Variants in CDH13 observed in about 807,000 individuals in gnomAD.
CDH13 encodes the protein cadherin 13, also known as cadherin-13.
CDH13 carries 24 observed loss-of-function variants against 63.8 expected under a neutral mutation model. The ratio of observed to expected loss-of-function variants is 0.38; its 90% CI spans 0.27 to 0.53. The LOEUF is 0.53. CDH13 is among the 20% of genes least tolerant of loss of function. The probability of loss-of-function intolerance (pLI) is 0.85; values close to 1 mark genes in which losing one functional copy is unlikely to be tolerated. For missense variants in CDH13, 1,049 were observed against 903.1 expected (o/e 1.16, Z -2.07); for synonymous variants, 503 against 355.3 (o/e 1.42, Z -4.67).
intron 3 of CDH13, among the ~76,000 whole-genome samples, chr16:83,053,885 G>A (rs753427907): frequency 1.3e-5 from 2 of 152,184 alleles, no homozygotes; most frequent in African/African-American, 4.8e-5. Context: ...TAGTAGCAAA[G>A]TCTGTGTATG....
At chr16:83,678,592 G>A (rs1915154554) in intron 10 of CDH13, 131 bp downstream of exon 10, 1 of 1,189,692 alleles carries the variant, frequency 8.4e-7, no homozygotes, top group Non-Finnish European at 1.2e-6. Context: ...CAAGTGGGAG[G>A]AAAGCGTCAT....
intron 6 of CDH13, among the ~76,000 whole-genome samples, chr16:83,347,762 G>A (rs1396656052): frequency 6.6e-6 from 1 of 152,222 alleles, no homozygotes; most frequent in East Asian, 1.9e-4. Context: ...TTACTTAGCT[G>A]GTAAGAGGCT....
rs189020531 is a variant in CDH13 at position 82,862,703 on chromosome 16, C to G, written c.157+4230C>G. ...CTTGCATCACATGTTTAGGAAAGAA[C>G]CTGCATTAACAAGAGCAGGCTAGGC... On this transcript the variant is annotated intron_variant, in intron 2 of 13. Transcript: ENST00000567109. 2.5e-3 allele frequency among the ~76,000 whole-genome samples: 387 copies of G among 152,318 alleles called. 1 individual carries two copies. The highest frequency in any genetic ancestry group is 8.6e-3 in the African/African-American group (358 of 41,576).
At chr16:83,521,348 A>C (rs1434901285) in intron 7 of CDH13, among the ~76,000 whole-genome samples, 1 of 152,136 alleles carries the variant, frequency 6.6e-6, no homozygotes, top group African/African-American at 2.4e-5. Context: ...AATTTAGGAA[A>C]AAAAAAAAGA....
At chr16:82,744,315 T>C (rs2034063796) in intron 1 of CDH13, among the ~76,000 whole-genome samples, 1 of 152,222 alleles carries the variant, frequency 6.6e-6, no homozygotes, top group Non-Finnish European at 1.5e-5. Context: ...CCTCTATTTT[T>C]CTCGCTTTTG....
intron 5 of CDH13, among the ~76,000 whole-genome samples, chr16:83,235,839 A>G (rs118067301): frequency 9.9e-5 from 15 of 152,252 alleles, no homozygotes; most frequent in Non-Finnish European, 1.8e-4. Flanking sequence ...TCTCAAAGAC[A>G]CTTTTTTCTT....
intron 4 of CDH13, among the ~76,000 whole-genome samples, chr16:83,191,762 C>A (rs2038722210): frequency 6.6e-6 from 1 of 151,710 alleles, no homozygotes; most frequent in Admixed American, 6.6e-5. Context: ...CCAGTCTAGG[C>A]TTTTCACGTT....
intron 7 of CDH13, among the ~76,000 whole-genome samples, chr16:83,492,774 A>C (rs543947095): frequency 3.2e-4 from 48 of 152,280 alleles, no homozygotes; most frequent in East Asian, 1.4e-3. Context: ...GGGGAAGGCC[A>C]GGGTCTTTAT....
chr16:82,784,937 G>C lies in CDH13; in HGVS notation c.46-73425G>C, dbSNP rs138807161. Among the ~76,000 whole-genome samples, 181 of 152,314 alleles carry C rather than the reference G, an allele frequency of 1.2e-3. 2 individuals are homozygous for C. Among genetic ancestry groups the C allele is most frequent in the Middle Eastern group, 0.01 (3 of 294 alleles). On this transcript the variant is annotated intron_variant, in intron 1 of 13. Coordinates refer to ENST00000567109, the MANE Select transcript of CDH13 (RefSeq NM_001257.5). ...AAGAGGCCAGAGAGCGCCTTGAAAT[G>C]AGACAGAAGAGCTGCTCCGGGCTGA...
At position 83,401,066 on chromosome 16, in the gene CDH13, TGCAGTG is replaced by T. The variant is rs1299816184; in HGVS notation, c.781+56063_781+56068del. 2.6e-5 allele frequency among the ~76,000 whole-genome samples: 4 copies of T among 151,986 alleles called. 1 individual carries two copies. Among genetic ancestry groups the T allele is most frequent in the Admixed American group, 2.6e-4 (4 of 15,278 alleles). On this transcript the variant is annotated intron_variant, in intron 6 of 13. Coordinates refer to ENST00000567109, the MANE Select transcript of CDH13 (RefSeq NM_001257.5). The stretch of plus-strand genomic sequence containing the variant: ...TAAAAAATACAAAAAATTGGCCAAA[TGCAGTG>T]GCTCACACCTATAATCCCAGCACTT...
intron 1 of CDH13, among the ~76,000 whole-genome samples, chr16:82,809,749 C>T (rs2037348170): frequency 6.6e-6 from 1 of 152,080 alleles, no homozygotes; most frequent in African/African-American, 2.4e-5. Context: ...AAGTATTATA[C>T]CTTTCATTTT....
chr16:82,639,260 G>A, intron 1 of CDH13: 1 of 707,412 alleles, frequency 1.4e-6, no homozygotes, highest in Non-Finnish European at 2.3e-6. Context: ...GTGGGTCTGG[G>A]CCCTGGACTT....
At chr16:83,195,416 G>C (rs1227256476) in intron 4 of CDH13, among the ~76,000 whole-genome samples, 1 of 152,122 alleles carries the variant, frequency 6.6e-6, no homozygotes, top group Non-Finnish European at 1.5e-5. Flanking sequence ...TCTGCTTCTG[G>C]GATGGCCTCA....
At chr16:83,777,713 T>G (rs1915218857) in intron 11 of CDH13, among the ~76,000 whole-genome samples, 1 of 152,238 alleles carries the variant, frequency 6.6e-6, no homozygotes, top group Admixed American at 6.5e-5. Context: ...TTGCTAGGAC[T>G]TGCCTGCGTC....
At chr16:83,342,755 G>A (rs1008794503) in intron 5 of CDH13, among the ~76,000 whole-genome samples, 3 of 150,686 alleles carry the variant, frequency 2.0e-5, no homozygotes, top group South Asian at 4.2e-4. Context: ...TGTAGCTTAT[G>A]ATACTGGCCA....
intron 1 of CDH13, among the ~76,000 whole-genome samples, chr16:82,628,176 C>T (rs1001935122): frequency 1.3e-5 from 2 of 152,218 alleles, no homozygotes; most frequent in African/African-American, 4.8e-5. Flanking sequence ...GAGAGCACCC[C>T]GATCCAGTCC....
chr16:83,453,055 T>C (rs1355219765), intron 6 of CDH13, among the ~76,000 whole-genome samples: 1 of 152,208 alleles, frequency 6.6e-6, no homozygotes, highest in East Asian at 1.9e-4. Context: ...AAGGAATGAA[T>C]TGATGGCATT....
At chr16:82,685,275 G>A (rs1914947896) in intron 1 of CDH13, among the ~76,000 whole-genome samples, 3 of 152,206 alleles carry the variant, frequency 2.0e-5, no homozygotes, top group African/African-American at 7.2e-5. Flanking sequence ...AACAGATTTA[G>A]TGTCTGGTGA....
chr16:82,880,529 C>T (rs995381408), intron 2 of CDH13, among the ~76,000 whole-genome samples: 1 of 152,086 alleles, frequency 6.6e-6, no homozygotes, highest in Admixed American at 6.6e-5. Flanking sequence ...TAGCAAATTG[C>T]TTTGTTTTTG....
Sources: allele counts gnomAD v4.1 joint callset (sites outside exome capture counted in the v4.1 genomes callset), GRCh38; gene constraint gnomAD v4.1.1; transcripts MANE v1.5; gene names NCBI Gene and HGNC (gene_info 2026-07-23, HGNC 2026-07-21).